The following PCDH15 variants were observed in gnomAD, a reference collection of about 807,000 sequenced individuals.
The protein encoded by PCDH15 is protocadherin-15.
In PCDH15, 129 loss-of-function variants were observed where a neutral mutation model predicts 178.5. The ratio of observed to expected loss-of-function variants is 0.72; its 90% CI spans 0.63 to 0.84. The LOEUF is 0.84. PCDH15 is among the 40% of genes least tolerant of loss of function. The pLI, the probability that PCDH15 is intolerant of heterozygous loss-of-function variation, is 0.00. For missense variants in PCDH15, 2,230 were observed against 2,099.9 expected, an observed-to-expected ratio of 1.06 and a Z score of -1.21; for synonymous variants, 800 against 732.0, an observed-to-expected ratio of 1.09 and a Z score of -1.50.
At chr10:54,498,151 T>C (rs574262365) in intron 3 of PCDH15, among the ~76,000 whole-genome samples, 46 of 152,252 alleles carry the variant, frequency 3.0e-4, no homozygotes, top group Non-Finnish European at 3.1e-4. Flanking sequence ...AGGTCCTATA[T>C]ACAGCATACT....
intron 18 of PCDH15, among the ~76,000 whole-genome samples, chr10:54,025,837 C>T (rs2093069636): frequency 6.6e-6 from 1 of 151,996 alleles, no homozygotes; most frequent in Non-Finnish European, 1.5e-5. Flanking sequence ...GGTCAAGCCC[C>T]TCACATTTTT....
At chr10:53,894,010 A>AG (rs2081772710) in intron 26 of PCDH15, among the ~76,000 whole-genome samples, 1 of 152,140 alleles carries the variant, frequency 6.6e-6, no homozygotes, top group Non-Finnish European at 1.5e-5. Flanking sequence ...AACTTGTGTC[A>AG]GGGGGGTTTG....
intron 2 of PCDH15, among the ~76,000 whole-genome samples, chr10:54,549,865 C>T (rs2086352492): frequency 1.3e-5 from 2 of 151,950 alleles, no homozygotes; most frequent in African/African-American, 2.4e-5. Flanking sequence ...TAGGTACATG[C>T]ATATTTAGAA....
intron 2 of PCDH15, among the ~76,000 whole-genome samples, chr10:55,103,913 G>GA (rs750178139): frequency 2.0e-5 from 3 of 152,120 alleles, no homozygotes; most frequent in Admixed American, 2.0e-4. Flanking sequence ...CAAGGACAAA[G>GA]AATCAATGGG....
intron 1 of PCDH15, among the ~76,000 whole-genome samples, chr10:54,765,850 G>T (rs1948442655): frequency 6.6e-6 from 1 of 152,090 alleles, no homozygotes; most frequent in South Asian, 2.1e-4. Context: ...AGAAAGCTTT[G>T]CCATTGGAAA....
At chr10:54,714,367 T>C (rs1478017340) in intron 1 of PCDH15, among the ~76,000 whole-genome samples, 2 of 152,140 alleles carry the variant, frequency 1.3e-5, no homozygotes, top group African/African-American at 2.4e-5. Context: ...TTACAGCACG[T>C]ATTCAGATTG....
At chr10:55,145,271 C>T (rs889144388) in intron 2 of PCDH15, among the ~76,000 whole-genome samples, 2 of 151,954 alleles carry the variant, frequency 1.3e-5, no homozygotes, top group African/African-American at 4.8e-5. Context: ...GAGGGGCATG[C>T]TCTGGCAGAA....
chr10:55,024,684 T>A (rs1417927218), intron 2 of PCDH15, among the ~76,000 whole-genome samples: 1 of 152,122 alleles, frequency 6.6e-6, no homozygotes, highest in Admixed American at 6.6e-5. Context: ...GACTTAGAAA[T>A]CTAAGAATTA....
chr10:53,884,234 A>T (rs1029080904), intron 26 of PCDH15, among the ~76,000 whole-genome samples: 1 of 152,204 alleles, frequency 6.6e-6, no homozygotes, highest in Admixed American at 6.5e-5. Context: ...AAAAGGAGTA[A>T]GAGACAGAAG....
At chr10:54,595,995 GT>G (rs1333307986) in intron 2 of PCDH15, among the ~76,000 whole-genome samples, 2 of 152,056 alleles carry the variant, frequency 1.3e-5, no homozygotes, top group African/African-American at 4.8e-5. Flanking sequence ...TGACTCATTG[GT>G]GTCCCCGAAA....
intron 7 of PCDH15, among the ~76,000 whole-genome samples, chr10:54,321,148 C>T (rs865091): frequency 0.72 from 107,193 of 148,898 alleles, 39,443 homozygotes; most frequent in Middle Eastern, 0.82. Flanking sequence ...ACTTGTGGCA[C>T]TGGAGTTAAT....
intron 2 of PCDH15, among the ~76,000 whole-genome samples, chr10:54,561,767 A>G (rs1271648974): frequency 6.6e-6 from 1 of 152,046 alleles, no homozygotes; most frequent in African/African-American, 2.4e-5. Flanking sequence ...GTCAGTCTTT[A>G]GTCAACAATT....
intron 2 of PCDH15, among the ~76,000 whole-genome samples, chr10:55,095,476 T>C (rs1249658869): frequency 6.6e-6 from 1 of 152,052 alleles, no homozygotes; most frequent in Non-Finnish European, 1.5e-5. Context: ...TTTTCTCTCA[T>C]TTTCTCTCAT....
At chr10:55,560,733 C>T (rs561676512) in intron 2 of PCDH15, among the ~76,000 whole-genome samples, 1 of 151,964 alleles carries the variant, frequency 6.6e-6, no homozygotes, top group South Asian at 2.1e-4. Flanking sequence ...CACATTTCCA[C>T]TTTCAAGTCC....
At chr10:54,781,829 A>T (rs1950390740) in intron 1 of PCDH15, among the ~76,000 whole-genome samples, 2 of 152,150 alleles carry the variant, frequency 1.3e-5, no homozygotes, top group South Asian at 4.1e-4. Flanking sequence ...AATATTACCA[A>T]TAGGAAGACA....
intron 3 of PCDH15, among the ~76,000 whole-genome samples, chr10:54,859,586 C>G (rs1953804593): frequency 6.6e-6 from 1 of 151,960 alleles, no homozygotes; most frequent in Non-Finnish European, 1.5e-5. Flanking sequence ...CTAGTTCTGT[C>G]AGGCAGTTTC....
chr10:54,124,973 A>T (rs2041866637), intron 15 of PCDH15, among the ~76,000 whole-genome samples: 1 of 152,210 alleles, frequency 6.6e-6, no homozygotes, highest in African/African-American at 2.4e-5. Flanking sequence ...GGCAGCAGAA[A>T]TTTTTCCTCA....
intron 2 of PCDH15, among the ~76,000 whole-genome samples, chr10:55,070,774 C>T (rs1841718128): frequency 1.3e-5 from 2 of 151,854 alleles, no homozygotes; most frequent in African/African-American, 2.4e-5. Context: ...TTTTTTGGTT[C>T]CATATGAACT....
chr10:54,929,610 T>C (rs2131851582), intron 2 of PCDH15, among the ~76,000 whole-genome samples: 1 of 152,304 alleles, frequency 6.6e-6, no homozygotes, highest in Non-Finnish European at 1.5e-5. Flanking sequence ...TTGGCCAAAT[T>C]TGGTAAGCAG....
Sources: allele counts gnomAD v4.1 joint callset (sites outside exome capture counted in the v4.1 genomes callset), GRCh38; gene constraint gnomAD v4.1.1; transcripts MANE v1.5; gene names NCBI Gene and HGNC (gene_info 2026-07-23, HGNC 2026-07-21).